SUCLG2: variants seen among roughly 807,000 people sequenced by gnomAD.
SUCLG2 encodes succinate-CoA ligase GDP-forming subunit beta.
A neutral mutation model predicts 47.9 loss-of-function variants in SUCLG2; 42 were observed. That is an observed-to-expected ratio of 0.88 (90% CI 0.69 to 1.14). The LOEUF (loss-of-function observed/expected upper bound fraction) is 1.14. SUCLG2 is among the 50% of genes most tolerant of loss of function. The pLI is 0.00. For missense variants in SUCLG2, 571 were observed against 525.9 expected (o/e 1.09, Z -0.84); for synonymous variants, 195 against 197.3 (o/e 0.99, Z 0.10).
At chr3:67,552,694 C>A (rs1707049604) in intron 2 of SUCLG2, among the ~76,000 whole-genome samples, 1 of 152,196 alleles carries the variant, frequency 6.6e-6, no homozygotes, top group Non-Finnish European at 1.5e-5. Context: ...GTTTCTTCAT[C>A]TGCAAAACAG....
rs188233487 is a variant in SUCLG2, at chr3:67,593,822, T to C, written c.226+15633A>G. The stretch of plus-strand genomic sequence containing the variant: ...TTATAAGATAGATAAGATCAGGTCA[T>C]TGCAGAAATCACTAGCCCCAATTCC... On this transcript the variant is annotated intron_variant, in intron 2 of 10. Coordinates refer to ENST00000307227, the MANE Select transcript of SUCLG2 (RefSeq NM_003848.4). Among the ~76,000 whole-genome samples the C allele has an allele frequency of 2.8e-3, 430 of 152,288 alleles. 5 individuals are homozygous for C. Among genetic ancestry groups the C allele is most frequent in the Non-Finnish European group, 2.0e-3 (136 of 68,010 alleles).
intron 9 of SUCLG2, among the ~76,000 whole-genome samples, chr3:67,476,693 G>T (rs1417096785): frequency 6.6e-6 from 1 of 152,094 alleles, no homozygotes; most frequent in Non-Finnish European, 1.5e-5. Context: ...CAAAATGGTT[G>T]GGAACTAATA....
intron 2 of SUCLG2, among the ~76,000 whole-genome samples, chr3:67,603,417 C>T (rs1017124428): frequency 4.6e-5 from 7 of 152,150 alleles, no homozygotes; most frequent in African/African-American, 1.7e-4. Context: ...AAGTAATTCA[C>T]CAGGCTTTAG....
Position 67,540,480 on chromosome 3 carries a change from C to T in SUCLG2, c.227-11294G>A, listed in dbSNP as rs147835178. On this transcript the variant is annotated intron_variant, in intron 2 of 10. Transcript: ENST00000307227. ...CCGCAGCGTGGCAAAGTCACTGTAG[C>T]CAGACTGCCTGTCTAGATTCCTCCT... 6.5e-3 allele frequency among the ~76,000 whole-genome samples: 997 copies of T among 152,228 alleles called. 12 individuals carry two copies. The highest frequency in any genetic ancestry group is 0.022 in the African/African-American group (913 of 41,534).
chr3:67,375,754 G>C lies in SUCLG2; in HGVS notation c.1289C>G (p.Ala430Gly), dbSNP rs572403966. ...ATCAGGACAAAGACATCACTTCTTG[G>C]CCACACTGGCCACAGCCTTCTTGGC... The part of the protein sequence containing the change: ...DAAKKAVASV[A>G]KK The change falls in exon 11 of 11, where the codon GCC becomes GGC. Residue 430 changes from alanine to glycine, a missense_variant. Coordinates refer to ENST00000307227, the MANE Select transcript of SUCLG2 (RefSeq NM_003848.4). The C allele has an allele frequency of 6.2e-7, 1 of 1,613,028 alleles. No individual in the cohort carries two copies.
At chr3:67,476,632 G>A (rs1210818685) in intron 9 of SUCLG2, among the ~76,000 whole-genome samples, 1 of 152,074 alleles carries the variant, frequency 6.6e-6, no homozygotes, top group East Asian at 1.9e-4. Context: ...CTGCACCCTT[G>A]GACCCTCACT....
intron 10 of SUCLG2, among the ~76,000 whole-genome samples, chr3:67,391,683 A>G (rs1054134292): frequency 1.3e-5 from 2 of 152,074 alleles, no homozygotes; most frequent in Admixed American, 6.6e-5. Flanking sequence ...TGCTGCTAAC[A>G]CCCAGAATAC....
chr3:67,451,387 G>C (rs377669595), intron 9 of SUCLG2, among the ~76,000 whole-genome samples: 3 of 152,138 alleles, frequency 2.0e-5, no homozygotes, highest in Admixed American at 6.6e-5. Flanking sequence ...CTTCGTTTTC[G>C]TAAGTAAGTC....
At chr3:67,466,016 A>G (rs1704460587) in intron 9 of SUCLG2, among the ~76,000 whole-genome samples, 1 of 152,148 alleles carries the variant, frequency 6.6e-6, no homozygotes, top group Non-Finnish European at 1.5e-5. Flanking sequence ...TACTCTTTTA[A>G]TGACACACAC....
intron 2 of SUCLG2, among the ~76,000 whole-genome samples, chr3:67,560,555 C>A (rs1212136396): frequency 1.3e-5 from 2 of 152,178 alleles, no homozygotes; most frequent in African/African-American, 4.8e-5. Context: ...AGTAAAGCCT[C>A]CTCACAGCAT....
chr3:67,495,698 C>A, intron 9 of SUCLG2, 100 bp downstream of exon 9: 6 of 1,275,870 alleles, frequency 4.7e-6, no homozygotes, highest in Non-Finnish European at 6.6e-6. Context: ...CTGCAGAGTA[C>A]ACATATTGAC....
chr3:67,600,445 T>A (rs1182149351), intron 2 of SUCLG2, among the ~76,000 whole-genome samples: 1 of 152,228 alleles, frequency 6.6e-6, no homozygotes, highest in Non-Finnish European at 1.5e-5. Flanking sequence ...TATGTATTAT[T>A]ATCCCCTATT....
At chr3:67,387,537 A>T (rs1575662054) in intron 10 of SUCLG2, among the ~76,000 whole-genome samples, 1 of 152,328 alleles carries the variant, frequency 6.6e-6, no homozygotes, top group East Asian at 1.9e-4. Context: ...TTAGTTATTC[A>T]TACATTTCGA....
At chr3:67,391,402 A>G (rs549392903) in intron 10 of SUCLG2, among the ~76,000 whole-genome samples, 9 of 152,226 alleles carry the variant, frequency 5.9e-5, no homozygotes, top group Non-Finnish European at 1.0e-4. Flanking sequence ...TATTCGCTAC[A>G]TGATGGTATG....
Position 67,654,558 on chromosome 3 carries a change from C to G in SUCLG2, c.29G>C (p.Gly10Ala). 1 of 1,272,438 alleles carries G rather than the reference C, an allele frequency of 7.9e-7. No individual in the cohort carries two copies. The highest frequency in any genetic ancestry group is 9.9e-7 in the Non-Finnish European group (1 of 1,006,622). 78.8% of individuals were successfully genotyped at this position (1,272,438 alleles called of 1,614,324 possible). A position where few individuals can be genotyped will look rare whatever the true frequency, so the allele number is the denominator to read the frequency against. Residue 10 changes from glycine to alanine, a missense_variant, in exon 1 of 11, where the codon GGG (glycine) becomes GCG (alanine). Coordinates refer to ENST00000307227, the MANE Select transcript of SUCLG2 (RefSeq NM_003848.4). MASPVAAQAGKLLRALALRP... is the reference protein window; with the variant it reads MASPVAAQAAKLLRALALRP... ...CAGCGCTAGGGCTCGCAGAAGCTTCCCGGCCTGCGCTGCTACGGGGGACGC... is the reference window on the plus strand; with the variant it reads ...CAGCGCTAGGGCTCGCAGAAGCTTCGCGGCCTGCGCTGCTACGGGGGACGC...
rs756592317 is a variant in SUCLG2 at position 67,520,560 on chromosome 3, G to C, written c.492C>G (p.Gly164=). 6.2e-7 allele frequency: 1 copy of C among 1,614,194 alleles called. No homozygotes were observed. The highest frequency in any genetic ancestry group is 8.5e-7 in the Non-Finnish European group (1 of 1,180,014). ...LAILMDRSCN[G]PVLVGSPQGG... is the part of the protein sequence containing the mutation. ...CCTGGGGGCTGCCCACCAGCACGGG[G>C]CCATTGCAGGACCGGTCCATCAGAA... The change falls in exon 5 of 11, where the codon GGC becomes GGG. Residue 164 remains glycine (G), a synonymous_variant. Coordinates refer to ENST00000307227, the MANE Select transcript of SUCLG2 (RefSeq NM_003848.4).
intron 2 of SUCLG2, among the ~76,000 whole-genome samples, chr3:67,550,900 G>GGGGGGT (rs1257068334): frequency 1.3e-5 from 2 of 152,010 alleles, no homozygotes; most frequent in African/African-American, 4.8e-5. Flanking sequence ...AGTATTAAAC[G>GGGGGGT]GGGGGTGGGG....
At chr3:67,587,105 A>C (rs970873637) in intron 2 of SUCLG2, among the ~76,000 whole-genome samples, 9 of 152,230 alleles carry the variant, frequency 5.9e-5, no homozygotes, top group Admixed American at 1.3e-4. Flanking sequence ...ATTCCAGTGA[A>C]CTAGGGAAGA....
At chr3:67,631,926 G>A (rs1700932918) in intron 1 of SUCLG2, among the ~76,000 whole-genome samples, 1 of 152,166 alleles carries the variant, frequency 6.6e-6, no homozygotes, top group Non-Finnish European at 1.5e-5. Flanking sequence ...TAAAACTGGG[G>A]CCACTGACTT....
Sources: gnomAD v4.1 joint callset for allele counts (sites outside exome capture counted in the v4.1 genomes callset) on GRCh38, gnomAD v4.1.1 for gene constraint, MANE v1.5 for transcripts, NCBI Gene and HGNC (gene_info 2026-07-23, HGNC 2026-07-21) for gene names.